PCDHA4: variants seen among roughly 807,000 people sequenced by gnomAD.
The protein encoded by PCDHA4 is protocadherin alpha-4.
A neutral mutation model predicts 61.4 loss-of-function variants in PCDHA4; 49 were observed. That is an observed-to-expected ratio of 0.80 (90% CI 0.63 to 1.01). The LOEUF is 1.01. Ranked by LOEUF, PCDHA4 falls within the 50% of genes least tolerant of loss-of-function variation. The pLI is 0.00. For missense variants in PCDHA4, 1,254 were observed against 1,235.8 expected (o/e 1.01, Z -0.22); for synonymous variants, 590 against 550.3 (o/e 1.07, Z -1.01).
chr5:140,916,584 G>T (rs1257440146), intron 1 of PCDHA4, among the ~76,000 whole-genome samples: 1 of 152,186 alleles, frequency 6.6e-6, no homozygotes, highest in Non-Finnish European at 1.5e-5. Flanking sequence ...TGTCATCCAT[G>T]AGCTAGGGCC....
At position 140,929,086 on chromosome 5, in the gene PCDHA4, G is replaced by A. The variant is rs899611580; in HGVS notation, c.2386-49863G>A. 2.5e-6 allele frequency: 4 copies of A among 1,614,158 alleles called. No individual in the cohort carries two copies. The South Asian group carries it at 4.4e-5, about 18-fold the overall frequency. On this transcript the variant is annotated intron_variant, in intron 1 of 3. Coordinates refer to ENST00000530339, the MANE Select transcript of PCDHA4 (RefSeq NM_018907.4). ...GGATCTGAGGTATGGAAGTAAGATG[G>A]TTTCAAATCCTTGCATGACATCAGC... is the stretch of plus-strand genomic sequence containing the variant.
rs1554136884 is a variant in PCDHA4, at chr5:140,838,094, G to A, written c.2385+28522G>A. 2.8e-5 allele frequency among the ~76,000 whole-genome samples: 4 copies of A among 144,632 alleles called. 1 individual carries two copies. The highest frequency in any genetic ancestry group is 1.0e-4 in the African/African-American group (4 of 38,254). 94.9% of individuals were successfully genotyped at this position (144,632 alleles called of 152,430 possible). A position where few individuals can be genotyped will look rare whatever the true frequency, so the allele number is the denominator to read the frequency against. On this transcript the variant is annotated intron_variant, in intron 1 of 3. Transcript: ENST00000530339. ...ATATATATAGTGTGTGTGTGTGTGTGTGTGTGTGTGTGTGTGTGTGTGTGT... is the reference window on the plus strand; with the variant it reads ...ATATATATAGTGTGTGTGTGTGTGTATGTGTGTGTGTGTGTGTGTGTGTGT...
intron 1 of PCDHA4, chr5:140,927,797 C>T (rs1554205063): frequency 6.2e-7 from 1 of 1,614,196 alleles, no homozygotes; most frequent in Non-Finnish European, 8.5e-7. Context: ...CTAGGTCCGC[C>T]TGAAACGCTC....
intron 1 of PCDHA4, chr5:140,824,262 T>G: frequency 7.6e-7 from 1 of 1,308,960 alleles, no homozygotes; most frequent in Non-Finnish European, 1.1e-6. Context: ...ATTGCACTAA[T>G]TCATGTATTA....
chr5:140,916,188 G>A (rs1288181230), intron 1 of PCDHA4, among the ~76,000 whole-genome samples: 2 of 152,208 alleles, frequency 1.3e-5, no homozygotes, highest in East Asian at 3.9e-4. Context: ...TCAAGGAAGT[G>A]GGCACCCCTC....
chr5:140,852,586 T>A (rs2042389124), intron 1 of PCDHA4: 4 of 878,450 alleles, frequency 4.6e-6, no homozygotes, highest in East Asian at 1.2e-4. Context: ...TTTTTTATTT[T>A]TTTTTTTTGT....
rs782044159 is a variant in PCDHA4 at position 140,883,367 on chromosome 5, G to T, written c.2385+73795G>T. On this transcript the variant is annotated intron_variant, in intron 1 of 3. Transcript: ENST00000530339. Reference sequence around the variant, plus strand: ...CATCAGAGAAGACACTCAGCCTAGCGCCATTATTGCCCTAATCAGTGTGTC... The same window carrying T: ...CATCAGAGAAGACACTCAGCCTAGCTCCATTATTGCCCTAATCAGTGTGTC... The T allele has an allele frequency of 5.6e-6, 9 of 1,614,006 alleles. No homozygotes were observed. Among genetic ancestry groups the T allele is most frequent in the Non-Finnish European group, 7.6e-6 (9 of 1,180,038 alleles).
At position 140,858,352 on chromosome 5, in the gene PCDHA4, G is replaced by T; in HGVS notation, c.2385+48780G>T. On this transcript the variant is annotated intron_variant, in intron 1 of 3. Coordinates refer to ENST00000530339, the MANE Select transcript of PCDHA4 (RefSeq NM_018907.4). ...AGGGCCTGCCCAAGGCGGACCTCATGGCCTTCAGCCCCAGCCTTCCACCAT... is the reference window on the plus strand; with the variant it reads ...AGGGCCTGCCCAAGGCGGACCTCATTGCCTTCAGCCCCAGCCTTCCACCAT... 1.3e-6 allele frequency: 2 copies of T among 1,593,948 alleles called. 1 individual carries two copies. Among genetic ancestry groups the T allele is most frequent in the Non-Finnish European group, 1.7e-6 (2 of 1,165,108 alleles).
Position 140,807,163 on chromosome 5 carries a change from C to A in PCDHA4, c.-25C>A. 6.3e-7 allele frequency: 1 copy of A among 1,594,326 alleles called. No homozygotes were observed. The highest frequency in any genetic ancestry group is 8.5e-7 in the Non-Finnish European group (1 of 1,170,138). ...TTGACTTTGAGAAACGATATTTAATCAGAACAAAATACTGTGCACTAAAGA... is the reference window on the plus strand; with the variant it reads ...TTGACTTTGAGAAACGATATTTAATAAGAACAAAATACTGTGCACTAAAGA... On this transcript the variant is annotated 5_prime_UTR_variant, in exon 1 of 4. Transcript: ENST00000530339.
At chr5:140,857,849 G>A (rs782556733) in intron 1 of PCDHA4, 1 of 1,597,964 alleles carries the variant, frequency 6.3e-7, no homozygotes, top group South Asian at 1.1e-5. Flanking sequence ...CGCTGACTCT[G>A]GATACAACGC....
intron 3 of PCDHA4, among the ~76,000 whole-genome samples, chr5:140,992,004 G>A (rs1165725360): frequency 2.0e-5 from 3 of 147,598 alleles, no homozygotes; most frequent in Non-Finnish European, 3.0e-5. Context: ...TTCATGTTCA[G>A]GCAGAGGTGG....
intron 1 of PCDHA4, among the ~76,000 whole-genome samples, chr5:140,955,262 C>CT (rs1165777806): frequency 1.3e-5 from 2 of 152,044 alleles, no homozygotes; most frequent in African/African-American, 2.4e-5. Flanking sequence ...TATAAAGGCT[C>CT]TTTTTTGGTT....
At chr5:140,877,987 CT>C (rs2057428803) in intron 1 of PCDHA4, 14 of 1,151,184 alleles carry the variant, frequency 1.2e-5, no homozygotes, top group Non-Finnish European at 1.6e-5. Context: ...TCATTTTGAA[CT>C]TTTATGTATT....
At chr5:140,923,217 ATCGTTTGAG>A (rs2081234922) in intron 1 of PCDHA4, among the ~76,000 whole-genome samples, 1 of 135,418 alleles carries the variant, frequency 7.4e-6, no homozygotes, top group Admixed American at 7.5e-5. Flanking sequence ...AGGTGAAAGG[ATCGTTTGAG>A]CCCAGAAGTT....
intron 1 of PCDHA4, among the ~76,000 whole-genome samples, chr5:140,895,594 T>C (rs2065067713): frequency 6.6e-6 from 1 of 152,228 alleles, no homozygotes; most frequent in Admixed American, 6.5e-5. Flanking sequence ...GATATATAAT[T>C]TGCAAAGATT....
chr5:140,830,130 C>G, intron 1 of PCDHA4: 1 of 1,613,418 alleles, frequency 6.2e-7, no homozygotes, highest in Non-Finnish European at 8.5e-7. Flanking sequence ...AAGGCGTCAT[C>G]ACGGGCGTCG....
chr5:140,823,402 C>T (rs2150125577), intron 1 of PCDHA4: 2 of 1,613,148 alleles, frequency 1.2e-6, no homozygotes, highest in Admixed American at 1.7e-5. Context: ...GGGCGTGCCG[C>T]CTCTGGGCAG....
At chr5:140,976,470 G>A (rs1388811059) in intron 1 of PCDHA4, among the ~76,000 whole-genome samples, 3 of 152,116 alleles carry the variant, frequency 2.0e-5, no homozygotes, top group Non-Finnish European at 4.4e-5. Context: ...AGAATTGCTT[G>A]AATCCGGGAG....
chr5:140,909,784 C>T (rs1380024637), intron 1 of PCDHA4, among the ~76,000 whole-genome samples: 1 of 152,154 alleles, frequency 6.6e-6, no homozygotes, highest in African/African-American at 2.4e-5. Context: ...TGGACCCACT[C>T]TAAGTCAGAC....
Sources: allele counts gnomAD v4.1 joint callset (sites outside exome capture counted in the v4.1 genomes callset), GRCh38; gene constraint gnomAD v4.1.1; transcripts MANE v1.5; gene names NCBI Gene and HGNC (gene_info 2026-07-23, HGNC 2026-07-21).